The following PLPPR3 variants were observed in gnomAD, a reference collection of about 807,000 sequenced individuals.
The protein encoded by PLPPR3 is phospholipid phosphatase-related protein type 3.
In PLPPR3, 14 loss-of-function variants were observed where a neutral mutation model predicts 27.3. The ratio of observed to expected loss-of-function variants is 0.51; its 90% CI spans 0.34 to 0.80. PLPPR3 has a LOEUF of 0.80. Among genes scored for constraint, PLPPR3 ranks in the 30% least tolerant of loss-of-function variants. The pLI is 0.01. For synonymous variants in PLPPR3, 671 were observed against 508.0 expected, an observed-to-expected ratio of 1.32 and a Z score of -4.32; for missense variants, 1,287 against 1,056.9, an observed-to-expected ratio of 1.22 and a Z score of -3.02.
chr19:815,488 C>A (rs1207823265), intron 3 of PLPPR3, among the ~76,000 whole-genome samples, 161 bp from the exon 4 acceptor site: 1 of 149,710 alleles, frequency 6.7e-6, no homozygotes, highest in Non-Finnish European at 1.5e-5. Flanking sequence ...CAGGCTGGCA[C>A]AGGCCCCGGT....
At chr19:814,825 C>T (rs2035023065) in intron 5 of PLPPR3, 61 bp downstream of exon 5, 16 of 1,576,594 alleles carry the variant, frequency 1.0e-5, no homozygotes, top group Non-Finnish European at 1.4e-5. Flanking sequence ...TCTCTGTTTC[C>T]CCGCATGTTC....
intron 1 of PLPPR3, 117 bp from the exon 2 acceptor site, chr19:821,702 G>A: frequency 1.2e-5 from 6 of 485,242 alleles, no homozygotes; most frequent in African/African-American, 4.1e-5. Flanking sequence ...AGAGAGCGGC[G>A]TCCGCGTGGC....
In PLPPR3 at chr19:819,279, CT is replaced by C. The variant is rs1252377454; in HGVS notation, c.75+2205del. ...GGCGTGAGCCACTGCACCCAGCCTA[CT>C]TTTTTTTTTTTTTTTTCCGAGATGG... On this transcript the variant is annotated intron_variant, in intron 2 of 7. Transcript: ENST00000520876. Among the ~76,000 whole-genome samples, 108 of 60,934 alleles carry C rather than the reference CT, an allele frequency of 1.8e-3. 3 individuals are homozygous for C. Among genetic ancestry groups the C allele is most frequent in the African/African-American group, 2.3e-3 (20 of 8,678 alleles). The allele number at this position is 60,934 out of a possible 152,430, so 40.0% of individuals were successfully genotyped here.
chr19:818,587 G>A (rs2035097720), intron 2 of PLPPR3, among the ~76,000 whole-genome samples: 1 of 151,910 alleles, frequency 6.6e-6, no homozygotes. Context: ...AGGCTGGAGT[G>A]CAGTGGCGCG....
In PLPPR3 at chr19:814,965, C is replaced by A. The variant is rs2035026226; in HGVS notation, c.520G>T (p.Gly174Cys). The A allele has an allele frequency of 1.2e-6, 2 of 1,612,478 alleles. No individual in the cohort carries two copies. The change falls in exon 5 of 8, where the codon GGC (glycine) becomes TGC (cysteine). Residue 174 changes from glycine (G) to cysteine (C), a missense_variant. Physicochemically the swap from Gly to Cys is radical, Grantham distance 159. Coordinates refer to ENST00000520876, the MANE Select transcript of PLPPR3 (RefSeq NM_001270366.2). ...TAGGGGTTGACCTCGCAGGACGTGC[C>A]CAGGAGAGTGTAGTTGGGCTTGCAG... ...TVCKPNYTLL[G>C]TSCEVNPYIT...
At chr19:815,582 G>A (rs1197178677) in intron 3 of PLPPR3, 84 bp downstream of exon 3, 3 of 1,382,316 alleles carry the variant, frequency 2.2e-6, no homozygotes, top group Non-Finnish European at 2.9e-6. Flanking sequence ...ACAGGCCCCA[G>A]TGTGGATGTT....
upstream of PLPPR3, among the ~76,000 whole-genome samples, chr19:822,557 G>A (rs1418282167): frequency 6.6e-6 from 1 of 152,130 alleles, no homozygotes; most frequent in African/African-American, 2.4e-5. Flanking sequence ...GCCGCGCCGG[G>A]GTCCACCCTC....
At chr19:817,022 C>G (rs1189835512) in intron 2 of PLPPR3, among the ~76,000 whole-genome samples, 1 of 133,228 alleles carries the variant, frequency 7.5e-6, no homozygotes, top group African/African-American at 2.7e-5. Flanking sequence ...CATCTACCAA[C>G]CTACCCATCT....
chr19:813,247 C>T lies in PLPPR3; in HGVS notation c.1480G>A (p.Val494Met). 3 of 1,477,668 alleles carry T rather than the reference C, an allele frequency of 2.0e-6. No homozygotes were observed. Among genetic ancestry groups the T allele is most frequent in the Non-Finnish European group, 2.7e-6 (3 of 1,124,154 alleles). The allele number at this position is 1,477,668 out of a possible 1,614,324, so 91.5% of individuals were successfully genotyped here. A position where few individuals can be genotyped will look rare whatever the true frequency, so the allele number is the denominator to read the frequency against. Reference protein sequence around the residue: ...LPPRAGPPPLVHIPEEGAQTG... With the variant: ...LPPRAGPPPLMHIPEEGAQTG... ...TGCGCGCCCTCCTCCGGGATGTGCACCAGCGGCGGCGGCCCCGCGCGCGGT... is the reference window on the plus strand; with the variant it reads ...TGCGCGCCCTCCTCCGGGATGTGCATCAGCGGCGGCGGCCCCGCGCGCGGT... Residue 494 changes from valine to methionine, a missense_variant, in exon 8 of 8, where the codon GTG becomes ATG. Val to Met is a conservative substitution (Grantham distance 21). Transcript: ENST00000520876. This position sits in a 1 kb window ranked among gnomAD's most constrained non-coding sequence, Gnocchi z 4.1.
At chr19:821,069 G>T (rs1021764416) in intron 2 of PLPPR3, among the ~76,000 whole-genome samples, 6 of 152,168 alleles carry the variant, frequency 3.9e-5, no homozygotes, top group African/African-American at 1.2e-4. Context: ...GCCCAGAGAG[G>T]TTAGGGGCAG....
rs1046162934 is a variant in PLPPR3, at chr19:814,930, C to G, written c.555G>C (p.Gln185His). The G allele has an allele frequency of 1.9e-6, 3 of 1,612,208 alleles. No individual in the cohort carries two copies. Among genetic ancestry groups the G allele is most frequent in the Admixed American group, 1.7e-5 (1 of 60,016 alleles). ...TSCEVNPYIT[Q>H]DICSGHDIHA... is the part of the protein sequence containing the mutation. Reference sequence around the variant, plus strand: ...GGATGTCGTGGCCGGAGCAGATGTCCTGCGTGATGTAGGGGTTGACCTCGC... The same window carrying G: ...GGATGTCGTGGCCGGAGCAGATGTCGTGCGTGATGTAGGGGTTGACCTCGC... Residue 185 changes from glutamine (Q) to histidine (H), a missense_variant, in exon 5 of 8, where the codon CAG (glutamine) becomes CAC (histidine). Coordinates refer to ENST00000520876, the MANE Select transcript of PLPPR3 (RefSeq NM_001270366.2).
At chr19:818,336 T>G (rs991006969) in intron 2 of PLPPR3, among the ~76,000 whole-genome samples, 1 of 151,890 alleles carries the variant, frequency 6.6e-6, no homozygotes, top group Non-Finnish European at 1.5e-5. Flanking sequence ...TGAGCTGACA[T>G]TGTTCCACTG....
Position 815,290 on chromosome 19 carries a change from G to T in PLPPR3, c.299C>A (p.Ser100Tyr). 1 of 1,551,546 alleles carries T rather than the reference G, an allele frequency of 6.4e-7. No homozygotes were observed. The highest frequency in any genetic ancestry group is 8.7e-7 in the Non-Finnish European group (1 of 1,149,566). Residue 100 changes from serine (S) to tyrosine (Y), a missense_variant, in exon 4 of 8, where the codon TCC (serine) becomes TAC (tyrosine). Transcript: ENST00000520876. ...CCCCCCGGCACGGCCCCACAGCCGG[G>T]ACTGCAGACAGTACAACATGCCCTC... is the stretch of plus-strand genomic sequence containing the variant. ...VAEGMLYCLQ[S>Y]RLWGRAGGPA...
At chr19:816,584 T>TTTA (rs1177593012) in intron 2 of PLPPR3, among the ~76,000 whole-genome samples, 15 of 64,698 alleles carry the variant, frequency 2.3e-4, no homozygotes, top group Non-Finnish European at 3.9e-4. Flanking sequence ...CAGCCATTCA[T>TTTA]TCATCTATCC....
At position 813,590 on chromosome 19, in the gene PLPPR3, C is replaced by T. The variant is rs375358427; in HGVS notation, c.1137G>A (p.Arg379=). 1.8e-4 allele frequency: 278 copies of T among 1,551,676 alleles called. 1 individual carries two copies. In the African/African-American group the frequency reaches 3.3e-3, roughly 18 times the overall value. ...GGTCGTCCAGCGAGGGCGCGCTGGC[C>T]CTGGGCAGCGTGTGGCTGAAGGTCA... is the stretch of plus-strand genomic sequence containing the variant. ...NMVTFSHTLP[R]ASAPSLDDPA... The change falls in exon 8 of 8, where the codon AGG becomes AGA. Residue 379 remains arginine, a synonymous_variant. Transcript: ENST00000520876. This position sits in a 1 kb window ranked among gnomAD's most constrained non-coding sequence, Gnocchi z 4.1.
intron 5 of PLPPR3, 67 bp from the exon 6 acceptor site, chr19:814,816 C>T (rs1319765752): frequency 2.8e-5 from 44 of 1,569,058 alleles, no homozygotes; most frequent in Non-Finnish European, 3.7e-5. Context: ...CTCTCTGTGT[C>T]TCTGTTTCCC....
In PLPPR3 at chr19:821,512, C is replaced by A. The variant is rs1275898813; in HGVS notation, c.48G>T (p.Thr16=). 1 of 1,512,674 alleles carries A rather than the reference C, an allele frequency of 6.6e-7. No homozygotes were observed. Among genetic ancestry groups the A allele is most frequent in the South Asian group, 1.2e-5 (1 of 80,164 alleles). The allele number at this position is 1,512,674 out of a possible 1,614,324, so 93.7% of individuals were successfully genotyped here. Residue 16 remains threonine (T), a synonymous_variant, in exon 2 of 8, where the codon ACG becomes ACT. Transcript: ENST00000520876. ...CCACGAAGTAGAAGCAGGGCAGAAG[C>A]GTCATGCTGTCCTTCGGGATCTTGT... is the stretch of plus-strand genomic sequence containing the variant. The part of the protein sequence containing the change: ...EKNKIPKDSM[T]LLPCFYFVEL...
intron 2 of PLPPR3, among the ~76,000 whole-genome samples, chr19:817,075 G>A (rs1451875729): frequency 7.3e-6 from 1 of 136,224 alleles, no homozygotes. Context: ...ATCCACAACA[G>A]TCTTGCTCTG....
At chr19:819,192 G>T (rs1355302135) in intron 2 of PLPPR3, among the ~76,000 whole-genome samples, 1 of 104,588 alleles carries the variant, frequency 9.6e-6, no homozygotes, top group Non-Finnish European at 1.8e-5. Flanking sequence ...GGCCAGACTG[G>T]TCTCAAACTC....
Sources: allele counts gnomAD v4.1 joint callset (sites outside exome capture counted in the v4.1 genomes callset), GRCh38; gene constraint gnomAD v4.1.1; non-coding constraint Gnocchi (gnomAD v3.1); transcripts MANE v1.5; gene names NCBI Gene and HGNC (gene_info 2026-07-23, HGNC 2026-07-21).